Variants in TTC7B observed in about 807,000 individuals in gnomAD.
TTC7B encodes tetratricopeptide repeat domain 7B.
Under a neutral mutation model 106.8 loss-of-function variants are expected in TTC7B, and 28 were observed. The ratio of observed to expected loss-of-function variants is 0.26; its 90% CI spans 0.19 to 0.36. The LOEUF (loss-of-function observed/expected upper bound fraction) is 0.36. Ranked by LOEUF, TTC7B falls within the 10% of genes least tolerant of loss-of-function variation. The pLI is 1.00. For synonymous variants in TTC7B, 405 were observed against 430.6 expected (o/e 0.94, Z 0.74); for missense variants, 862 against 1,076.4 (o/e 0.80, Z 2.79).
chr14:90,621,606 C>G (rs963289449), intron 15 of TTC7B, among the ~76,000 whole-genome samples: 1 of 152,034 alleles, frequency 6.6e-6, no homozygotes, highest in African/African-American at 2.4e-5. Flanking sequence ...AGAAGCCACA[C>G]AGGTTCAGCT....
intron 8 of TTC7B, 130 bp downstream of exon 8, chr14:90,680,342 C>A: frequency 1.5e-6 from 1 of 655,524 alleles, no homozygotes; most frequent in Non-Finnish European, 2.6e-6. Context: ...CTGTTTTTTC[C>A]CATCCAGGTA....
intron 15 of TTC7B, among the ~76,000 whole-genome samples, chr14:90,620,537 G>C (rs1286454): frequency 6.6e-6 from 1 of 152,080 alleles, no homozygotes; most frequent in Non-Finnish European, 1.5e-5. Context: ...TAAGGCATGA[G>C]TGCCAAGCAA....
At chr14:90,803,614 G>C (rs1391339272) in intron 1 of TTC7B, among the ~76,000 whole-genome samples, 1 of 152,226 alleles carries the variant, frequency 6.6e-6, no homozygotes, top group Non-Finnish European at 1.5e-5. Context: ...AAAAGGCAAA[G>C]ATGAAGGGGC....
chr14:90,777,073 TA>T (rs34763436), intron 3 of TTC7B, among the ~76,000 whole-genome samples: 1 of 150,622 alleles, frequency 6.6e-6, no homozygotes, highest in South Asian at 2.1e-4. Context: ...CTGTCTCTAC[TA>T]AAAAAAAATA....
At chr14:90,677,847 G>A (rs1336239630) in intron 8 of TTC7B, 1 of 455,530 alleles carries the variant, frequency 2.2e-6, no homozygotes, top group South Asian at 1.6e-5. Flanking sequence ...GCTGTTAAAT[G>A]TCAAAGACAA....
intron 13 of TTC7B, among the ~76,000 whole-genome samples, chr14:90,652,318 T>C (rs758034342): frequency 3.3e-5 from 5 of 151,480 alleles, no homozygotes; most frequent in Non-Finnish European, 7.4e-5. Context: ...TGCAAGGCCT[T>C]CTCCTAATTT....
intron 4 of TTC7B, among the ~76,000 whole-genome samples, chr14:90,730,973 TCTCGCTCTGTCGCCCAGG>T (rs1400721618): frequency 6.6e-6 from 1 of 152,000 alleles, no homozygotes; most frequent in Non-Finnish European, 1.5e-5. Flanking sequence ...TGAGACAGAG[TCTCGCTCTGTCGCCCAGG>T]CTGGAGTGCA....
chr14:90,552,339 G>A (rs1227280484), intron 19 of TTC7B, among the ~76,000 whole-genome samples: 1 of 152,246 alleles, frequency 6.6e-6, no homozygotes, highest in Non-Finnish European at 1.5e-5. Flanking sequence ...AGGGGCAGGT[G>A]TGGGGCTGGT....
At position 90,590,571 on chromosome 14, in the gene TTC7B, G is replaced by C. The variant is rs563169491; in HGVS notation, c.2107+2915C>G. 2.6e-5 allele frequency among the ~76,000 whole-genome samples: 4 copies of C among 152,272 alleles called. No individual in the cohort carries two copies. In the South Asian group the frequency reaches 8.3e-4, roughly 32 times the overall value. ...CTTATGGGCTCTGGCAGTATTGTGGGAGCTGATGATGGACACAGGAAACAG... is the reference window on the plus strand; with the variant it reads ...CTTATGGGCTCTGGCAGTATTGTGGCAGCTGATGATGGACACAGGAAACAG... On this transcript the variant is annotated intron_variant, in intron 18 of 19. Transcript: ENST00000328459.
In TTC7B at chr14:90,624,403, G is replaced by T. The variant is rs2139856954; in HGVS notation, c.1752-6358C>A. 6.6e-6 allele frequency among the ~76,000 whole-genome samples: 1 copy of T among 152,280 alleles called. No homozygotes were observed. Among genetic ancestry groups the T allele is most frequent in the African/African-American group, 2.4e-5 (1 of 41,564 alleles). On this transcript the variant is annotated intron_variant, in intron 15 of 19. Coordinates refer to ENST00000328459, the MANE Select transcript of TTC7B (RefSeq NM_001010854.2). This position sits in a 1 kb window ranked among gnomAD's most constrained non-coding sequence, Gnocchi z 4.0. ...TGTTCACCTCAGGAAATGAGTCAGAGCGGCACTTGTCAGGGCCATGCTCGG... is the reference window on the plus strand; with the variant it reads ...TGTTCACCTCAGGAAATGAGTCAGATCGGCACTTGTCAGGGCCATGCTCGG...
At chr14:90,665,561 C>T (rs10146836) in intron 9 of TTC7B, among the ~76,000 whole-genome samples, 34,557 of 152,176 alleles carry the variant, frequency 0.23, 4,208 homozygotes, top group Non-Finnish European at 0.28. Flanking sequence ...GTACCACAAG[C>T]ACAGCAAAGC....
chr14:90,638,355 T>C (rs989131346), intron 15 of TTC7B, among the ~76,000 whole-genome samples: 1 of 152,214 alleles, frequency 6.6e-6, no homozygotes, highest in Non-Finnish European at 1.5e-5. Flanking sequence ...AACTGAGTTA[T>C]ATATGTCATT....
intron 13 of TTC7B, among the ~76,000 whole-genome samples, chr14:90,652,436 A>G (rs1885763400): frequency 6.6e-6 from 1 of 151,380 alleles, no homozygotes; most frequent in South Asian, 2.1e-4. Context: ...ACTTCCTGAA[A>G]TCGGCCTTCT....
intron 6 of TTC7B, among the ~76,000 whole-genome samples, chr14:90,690,707 G>C (rs1887437173): frequency 6.6e-6 from 1 of 152,168 alleles, no homozygotes; most frequent in African/African-American, 2.4e-5. Context: ...TTTCTACCAG[G>C]TTTTAGCATT....
chr14:90,775,111 C>G (rs1164047564), intron 3 of TTC7B, among the ~76,000 whole-genome samples: 1 of 152,046 alleles, frequency 6.6e-6, no homozygotes, highest in Non-Finnish European at 1.5e-5. Context: ...TGGTCAAACC[C>G]TCTGCCTGAC....
In TTC7B at chr14:90,525,895, T is replaced by C. The variant is rs1288095917; in HGVS notation, c.*15473A>G. 2 of 133,796 alleles carry C rather than the reference T, an allele frequency of 1.5e-5. 1 individual carries two copies. The highest frequency in any genetic ancestry group is 5.5e-4 in the East Asian group (2 of 3,642). 8.3% of individuals were successfully genotyped at this position (133,796 alleles called of 1,614,324 possible). A position where few individuals can be genotyped will look rare whatever the true frequency, so the allele number is the denominator to read the frequency against. ...GTGGAAGAGTACCAGGACATGGGGGTGGGGGTTGGGGCAAAGCTTTGCTCC... is the reference window on the plus strand; with the variant it reads ...GTGGAAGAGTACCAGGACATGGGGGCGGGGGTTGGGGCAAAGCTTTGCTCC... On this transcript the variant is annotated 3_prime_UTR_variant, in exon 20 of 20. Transcript: ENST00000328459.
chr14:90,605,451 A>C (rs1892599022), intron 17 of TTC7B: 1 of 700,314 alleles, frequency 1.4e-6, no homozygotes, highest in Non-Finnish European at 1.9e-6. Flanking sequence ...TTCTGCCCCA[A>C]ACAGCTTTTG....
At chr14:90,784,557 G>GA (rs569208006) in intron 2 of TTC7B, among the ~76,000 whole-genome samples, 381 of 143,590 alleles carry the variant, frequency 2.7e-3, no homozygotes, top group African/African-American at 6.1e-3. Context: ...ACTCCATCTC[G>GA]AAAAAAAAAA....
intron 13 of TTC7B, chr14:90,648,888 A>G (rs563513118): frequency 3.9e-4 from 59 of 152,366 alleles, no homozygotes; most frequent in Non-Finnish European, 6.3e-4. Context: ...AGAACCCTCA[A>G]AAAGAACTTC....
Sources: gnomAD v4.1 joint callset for allele counts (sites outside exome capture counted in the v4.1 genomes callset) on GRCh38, gnomAD v4.1.1 for gene constraint, Gnocchi (gnomAD v3.1) non-coding constraint, MANE v1.5 for transcripts, NCBI Gene and HGNC (gene_info 2026-07-23, HGNC 2026-07-21) for gene names.